Variants in BEND3 observed in about 807,000 individuals in gnomAD.
BEND3 encodes the protein BEN domain-containing protein 3.
In BEND3, 13 loss-of-function variants were observed where a neutral mutation model predicts 60.1. The observed-to-expected ratio is 0.22, with a 90% confidence interval of 0.14 to 0.34. The LOEUF is 0.34. BEND3 is among the 10% of genes least tolerant of loss of function. The pLI is 1.00. For missense variants in BEND3, 896 were observed against 1,138.1 expected, an observed-to-expected ratio of 0.79 and a Z score of 3.06; for synonymous variants, 497 against 491.5, an observed-to-expected ratio of 1.01 and a Z score of -0.15.
intron 1 of BEND3, among the ~76,000 whole-genome samples, chr6:107,106,494 C>T (rs1174134964): frequency 6.6e-6 from 1 of 152,154 alleles, no homozygotes; most frequent in African/African-American, 2.4e-5. Flanking sequence ...GCCAGATGGG[C>T]CAGTCTGTGA....
intron 2 of BEND3, 59 bp from the exon 3 acceptor site, chr6:107,098,812 A>AG (rs1283759446): frequency 6.8e-7 from 1 of 1,464,986 alleles, no homozygotes; most frequent in African/African-American, 1.4e-5. Flanking sequence ...AGAGATCAGC[A>AG]GGGTTCTCTG....
Position 107,078,078 on chromosome 6 carries a change from G to A in BEND3, c.241-7128C>T, listed in dbSNP as rs144189913. On this transcript the variant is annotated intron_variant, in intron 3 of 3. Transcript: ENST00000369042. ...TCCCACATCTGCTGTATTTGGCTAC[G>A]AAGTCCTCTCCAACAGAGGTGCCAA... Among the ~76,000 whole-genome samples, 882 of 152,284 alleles carry A rather than the reference G, an allele frequency of 5.8e-3. 8 individuals are homozygous for A. The highest frequency in any genetic ancestry group is 9.0e-3 in the Non-Finnish European group (610 of 68,022).
chr6:107,093,583 GA>G (rs1438236799), intron 3 of BEND3, among the ~76,000 whole-genome samples: 12 of 152,030 alleles, frequency 7.9e-5, no homozygotes, highest in African/African-American at 2.7e-4. Context: ...TAGATCAATA[GA>G]ACAGAATAGC....
intron 1 of BEND3, among the ~76,000 whole-genome samples, chr6:107,102,160 T>A (rs1179061967): frequency 2.6e-5 from 4 of 152,004 alleles, no homozygotes; most frequent in African/African-American, 9.7e-5. Flanking sequence ...GACAGGGCCA[T>A]GGGTGGTGAG....
intron 1 of BEND3, among the ~76,000 whole-genome samples, chr6:107,102,645 G>A (rs1467424671): frequency 1.3e-5 from 2 of 152,170 alleles, no homozygotes; most frequent in African/African-American, 4.8e-5. Flanking sequence ...CAGCATGGTG[G>A]GCCCCTTCCC....
intron 1 of BEND3, among the ~76,000 whole-genome samples, chr6:107,101,047 C>CA (rs1423435107): frequency 6.6e-6 from 1 of 152,082 alleles, no homozygotes; most frequent in Non-Finnish European, 1.5e-5. Flanking sequence ...ACTAAAAATA[C>CA]AAAAATTAGC....
Position 107,067,275 on chromosome 6 carries a change from A to T in BEND3, c.*1429T>A, listed in dbSNP as rs1774852568. On this transcript the variant is annotated 3_prime_UTR_variant, in exon 4 of 4. Transcript: ENST00000369042. ...TATGACTACCCTGTGTGATTCAATA[A>T]ATTTTCCAGGACTCTGGTATGACAC... 1.3e-5 allele frequency: 2 copies of T among 152,184 alleles called. No individual in the cohort carries two copies. The highest frequency in any genetic ancestry group is 2.9e-5 in the Non-Finnish European group (2 of 68,032). The allele number at this position is 152,184 out of a possible 1,614,324, so 9.4% of individuals were successfully genotyped here.
intron 1 of BEND3, among the ~76,000 whole-genome samples, chr6:107,109,905 C>A (rs1467939122): frequency 6.6e-6 from 1 of 151,982 alleles, no homozygotes; most frequent in African/African-American, 2.4e-5. Flanking sequence ...GTGGCACAGG[C>A]CTGTAGTTCC....
intron 3 of BEND3, among the ~76,000 whole-genome samples, chr6:107,093,835 G>A (rs1775526686): frequency 6.6e-6 from 1 of 152,160 alleles, no homozygotes; most frequent in African/African-American, 2.4e-5. Context: ...GGGTTTGGCA[G>A]TAACTTTTTA....
chr6:107,091,503 G>C (rs1775474089), intron 3 of BEND3, among the ~76,000 whole-genome samples: 1 of 152,092 alleles, frequency 6.6e-6, no homozygotes. Flanking sequence ...GACATTGAAA[G>C]AATGATAAAG....
intron 3 of BEND3, among the ~76,000 whole-genome samples, chr6:107,075,205 G>A (rs149092587): frequency 6.6e-4 from 100 of 151,772 alleles, no homozygotes; most frequent in Non-Finnish European, 1.2e-3. Context: ...TAGCTTAGGC[G>A]ACAGAGTGAG....
chr6:107,108,082 A>G (rs1554237797), intron 1 of BEND3, among the ~76,000 whole-genome samples: 1 of 152,234 alleles, frequency 6.6e-6, no homozygotes, highest in African/African-American at 2.4e-5. Flanking sequence ...ACATCTGCAA[A>G]TGCAGTTTGA....
In BEND3 at chr6:107,115,202, G is replaced by C. The variant is rs1256632527; in HGVS notation, c.-124C>G. ...GGGCCGCGCGCGGAGGGCCTGGCCA[G>C]GGCGGCCCGGGGAGGCGCTGGGGGC... is the stretch of plus-strand genomic sequence containing the variant. On this transcript the variant is annotated 5_prime_UTR_variant, in exon 1 of 4. Transcript: ENST00000369042. 1 of 150,242 alleles carries C rather than the reference G, an allele frequency of 6.7e-6. No homozygotes were observed. The highest frequency in any genetic ancestry group is 2.4e-5 in the African/African-American group (1 of 41,116). 9.3% of individuals were successfully genotyped at this position (150,242 alleles called of 1,614,324 possible). A position where few individuals can be genotyped will look rare whatever the true frequency, so the allele number is the denominator to read the frequency against.
Position 107,099,913 on chromosome 6 carries a change from T to C in BEND3, c.-11-617A>G, listed in dbSNP as rs10080762. Among the ~76,000 whole-genome samples the C allele has an allele frequency of 7.8e-3, 1,189 of 151,894 alleles. 19 individuals carry two copies. Among genetic ancestry groups the C allele is most frequent in the African/African-American group, 0.027 (1,132 of 41,422 alleles). On this transcript the variant is annotated intron_variant, in intron 1 of 3. Coordinates refer to ENST00000369042, the MANE Select transcript of BEND3 (RefSeq NM_001367314.1). ...AGGAAAGGTCTCACTCTTTTCACCC[T>C]GGCTGGAGTACAGTAGCACTATCAT...
chr6:107,102,550 G>A (rs1554236864), intron 1 of BEND3, among the ~76,000 whole-genome samples: 1 of 152,190 alleles, frequency 6.6e-6, no homozygotes, highest in East Asian at 1.9e-4. Context: ...TCAAGACACC[G>A]AGTGCTTGTG....
chr6:107,078,032 T>C (rs1390226585), intron 3 of BEND3, among the ~76,000 whole-genome samples: 5 of 152,268 alleles, frequency 3.3e-5, no homozygotes, highest in African/African-American at 1.2e-4. Flanking sequence ...TGATTACCAA[T>C]AAAAACTTTG....
At chr6:107,075,768 G>A (rs1775088079) in intron 3 of BEND3, among the ~76,000 whole-genome samples, 1 of 152,166 alleles carries the variant, frequency 6.6e-6, no homozygotes, top group Non-Finnish European at 1.5e-5. Flanking sequence ...ATGTTCTAGA[G>A]GGAGACTTGC....
intron 3 of BEND3, among the ~76,000 whole-genome samples, chr6:107,083,092 T>C (rs1246407904): frequency 1.3e-5 from 2 of 152,048 alleles, no homozygotes; most frequent in African/African-American, 2.4e-5. Context: ...TAAATATCAA[T>C]CACAAAGGAA....
At chr6:107,074,452 T>C (rs1306961149) in intron 3 of BEND3, among the ~76,000 whole-genome samples, 4 of 152,078 alleles carry the variant, frequency 2.6e-5, no homozygotes, top group Non-Finnish European at 4.4e-5. Flanking sequence ...TACAATATGA[T>C]TTATTATTAC....
Sources: allele counts gnomAD v4.1 joint callset (sites outside exome capture counted in the v4.1 genomes callset), GRCh38; gene constraint gnomAD v4.1.1; transcripts MANE v1.5; gene names NCBI Gene and HGNC (gene_info 2026-07-23, HGNC 2026-07-21).